FRMPD4: variants seen among roughly 807,000 people sequenced by gnomAD.
The protein encoded by FRMPD4 is FERM and PDZ domain-containing protein 4.
FRMPD4 carries 22 observed loss-of-function variants against 94.1 expected under a neutral mutation model. The observed-to-expected ratio is 0.23, with a 90% CI of 0.17 to 0.33. FRMPD4 has a LOEUF of 0.33. Among genes scored for constraint, FRMPD4 ranks in the 10% least tolerant of loss-of-function variants. The pLI, the probability that FRMPD4 is intolerant of heterozygous loss-of-function variation, is 1.00. For missense variants in FRMPD4, 1,111 were observed against 1,339.9 expected (o/e 0.83, Z 2.67); for synonymous variants, 631 against 548.6 (o/e 1.15, Z -2.10).
chrX:11,955,034 A>G (rs917268050), intron 3 of FRMPD4, among the ~76,000 whole-genome samples: 8 of 111,596 alleles, frequency 7.2e-5, no homozygotes, highest in African/African-American at 2.6e-4. Context: ...TGAAAAGTCC[A>G]TGTTCAGGCA....
At chrX:12,224,858 T>C (rs1306143345) in intron 1 of FRMPD4, among the ~76,000 whole-genome samples, 1 of 112,010 alleles carries the variant, frequency 8.9e-6, no homozygotes, top group African/African-American at 3.2e-5. Context: ...AAGGATTAAC[T>C]TTTTAAAATG....
chrX:12,539,655 C>T (rs1223599716), intron 2 of FRMPD4, among the ~76,000 whole-genome samples: 10 of 108,438 alleles, frequency 9.2e-5, no homozygotes, highest in African/African-American at 1.7e-4. Context: ...TTTTTTGAGA[C>T]GGAGTTTCAC....
intron 1 of FRMPD4, among the ~76,000 whole-genome samples, chrX:12,183,270 C>T (rs2056383893): frequency 9.0e-6 from 1 of 111,192 alleles, no homozygotes; most frequent in African/African-American, 3.3e-5. Context: ...GTCTTGACTT[C>T]CTCTTAATAT....
intron 1 of FRMPD4, among the ~76,000 whole-genome samples, chrX:12,256,619 T>G (rs2054118324): frequency 8.9e-6 from 1 of 112,032 alleles, no homozygotes; most frequent in South Asian, 3.7e-4. Flanking sequence ...GCTCTTGATT[T>G]ACAGTTGGAA....
chrX:12,309,213 G>A (rs926422964), intron 1 of FRMPD4, among the ~76,000 whole-genome samples: 1 of 111,771 alleles, frequency 8.9e-6, no homozygotes, highest in African/African-American at 3.3e-5. Flanking sequence ...GCTATAGTTT[G>A]CCAACCCTTG....
intron 3 of FRMPD4, among the ~76,000 whole-genome samples, chrX:11,880,433 G>A (rs891981542): frequency 6.3e-5 from 7 of 111,163 alleles, no homozygotes; most frequent in Non-Finnish European, 1.1e-4. Flanking sequence ...GCTCTTGATT[G>A]CATGCCTTCA....
chrX:12,066,732 T>TA (rs2054922908), intron 3 of FRMPD4, among the ~76,000 whole-genome samples: 1 of 110,508 alleles, frequency 9.0e-6, no homozygotes, highest in South Asian at 3.8e-4. Context: ...CTGGATGGTT[T>TA]TTTTTTATAG....
intron 2 of FRMPD4, among the ~76,000 whole-genome samples, chrX:12,532,944 G>C (rs982771762): frequency 1.8e-5 from 2 of 112,430 alleles, no homozygotes. Flanking sequence ...TTATGTTTTA[G>C]TATAATAAAT....
rs754062532 is a variant in FRMPD4 at position 12,712,544 on chromosome X, G to A, written c.1609+2007G>A. On this transcript the variant is annotated intron_variant, in intron 14 of 16. Transcript: ENST00000675598. ...GGCCTAGGTGACAGAGCAAAACCCT[G>A]TCTCAAAAATAAGTAAATAAATAAA... 3.6e-5 allele frequency among the ~76,000 whole-genome samples: 4 copies of A among 111,101 alleles called. No homozygotes were observed. In the East Asian group the frequency reaches 8.4e-4, roughly 23 times the overall value.
intron 2 of FRMPD4, among the ~76,000 whole-genome samples, chrX:12,514,383 G>T (rs1165351271): frequency 9.0e-6 from 1 of 111,693 alleles, no homozygotes; most frequent in Middle Eastern, 4.6e-3. Flanking sequence ...TTATTTTGAG[G>T]TATGTTCCAT....
At chrX:12,042,683 A>C (rs1263987407) in intron 3 of FRMPD4, among the ~76,000 whole-genome samples, 1 of 111,223 alleles carries the variant, frequency 9.0e-6, no homozygotes, top group African/African-American at 3.3e-5. Flanking sequence ...CTGCCAATAC[A>C]CACATTTTCC....
chrX:12,051,623 CA>C (rs2054819463), intron 3 of FRMPD4, among the ~76,000 whole-genome samples: 1 of 111,916 alleles, frequency 8.9e-6, no homozygotes, highest in Non-Finnish European at 1.9e-5. Context: ...CTTTTCTTTG[CA>C]TTGCATTTGA....
intron 2 of FRMPD4, among the ~76,000 whole-genome samples, chrX:12,581,472 ATGAT>A (rs2058864700): frequency 8.9e-6 from 1 of 112,447 alleles, no homozygotes; most frequent in Non-Finnish European, 1.9e-5. Context: ...TAAGTATAAC[ATGAT>A]TAAGATTCAT....
intron 3 of FRMPD4, among the ~76,000 whole-genome samples, chrX:12,084,854 C>T (rs562946574): frequency 5.4e-5 from 6 of 111,873 alleles, no homozygotes; most frequent in South Asian, 3.7e-4. Flanking sequence ...TGCACATTGA[C>T]GACATAAAAG....
intron 1 of FRMPD4, among the ~76,000 whole-genome samples, chrX:12,488,439 T>C (rs771697408): frequency 9.0e-6 from 1 of 111,656 alleles, no homozygotes; most frequent in Non-Finnish European, 1.9e-5. Flanking sequence ...GCCACTAGAG[T>C]GAGTTTTTCC....
At chrX:12,303,555 T>C (rs2054891955) in intron 1 of FRMPD4, among the ~76,000 whole-genome samples, 2 of 111,902 alleles carry the variant, frequency 1.8e-5, no homozygotes, top group Admixed American at 1.9e-4. Flanking sequence ...AAAGTGTGGG[T>C]CTATATGTAC....
intron 1 of FRMPD4, among the ~76,000 whole-genome samples, chrX:12,464,281 C>T (rs1363553142): frequency 1.8e-5 from 2 of 111,802 alleles, no homozygotes; most frequent in Non-Finnish European, 3.8e-5. Context: ...GCCAGTGGAC[C>T]TAGAACTATC....
At chrX:12,591,308 T>C (rs1041822806) in intron 2 of FRMPD4, among the ~76,000 whole-genome samples, 1 of 111,755 alleles carries the variant, frequency 8.9e-6, no homozygotes, top group African/African-American at 3.3e-5. Context: ...TGGAAATGAG[T>C]CATCATAGAG....
At chrX:11,908,209 C>G (rs1008230277) in intron 3 of FRMPD4, among the ~76,000 whole-genome samples, 2 of 111,932 alleles carry the variant, frequency 1.8e-5, no homozygotes, top group Admixed American at 1.9e-4. Context: ...TTTCAATCAT[C>G]TTTAATTTTT....
Sources: gnomAD v4.1 joint callset for allele counts (sites outside exome capture counted in the v4.1 genomes callset) on GRCh38, gnomAD v4.1.1 for gene constraint, MANE v1.5 for transcripts, NCBI Gene and HGNC (gene_info 2026-07-23, HGNC 2026-07-21) for gene names.